The following GTF3C2 variants were observed in gnomAD, a reference collection of about 807,000 sequenced individuals.
The protein encoded by GTF3C2 is general transcription factor IIIC subunit 2.
In GTF3C2, 17 loss-of-function variants were observed where a neutral mutation model predicts 117.4. That is an observed-to-expected ratio of 0.14 (90% CI 0.10 to 0.22). GTF3C2 has a LOEUF of 0.22. GTF3C2 is among the 10% of genes least tolerant of loss of function. The pLI is 1.00. For synonymous variants in GTF3C2, 437 were observed against 427.0 expected, an observed-to-expected ratio of 1.02 and a Z score of -0.29; for missense variants, 888 against 1,143.6, an observed-to-expected ratio of 0.78 and a Z score of 3.22.
chr2:27,351,328 C>T (rs1301752639), intron 1 of GTF3C2, among the ~76,000 whole-genome samples: 2 of 152,122 alleles, frequency 1.3e-5, no homozygotes, highest in South Asian at 2.1e-4. Flanking sequence ...GCAGGAGAAT[C>T]GCTGGAACCT....
chr2:27,328,699 T>C, intron 15 of GTF3C2, 103 bp from the exon 16 acceptor site: 1 of 1,159,368 alleles, frequency 8.6e-7, no homozygotes, highest in Admixed American at 1.9e-5. Context: ...CAAAAATGAG[T>C]TTACCATAAC....
intron 10 of GTF3C2, among the ~76,000 whole-genome samples, chr2:27,334,893 C>T (rs2148272067): frequency 1.3e-5 from 2 of 152,272 alleles, no homozygotes; most frequent in South Asian, 4.2e-4. Flanking sequence ...AATCCTCCCA[C>T]CTAGGCCTCG....
rs369880736 is a variant in GTF3C2, at chr2:27,327,155, G to T, written c.2517+22C>A. The T allele has an allele frequency of 4.3e-5, 54 of 1,252,684 alleles. No individual in the cohort carries two copies. The African/African-American group carries it at 7.4e-4, about 17-fold the overall frequency. The allele number at this position is 1,252,684 out of a possible 1,614,324, so 77.6% of individuals were successfully genotyped here. A position where few individuals can be genotyped will look rare whatever the true frequency, so the allele number is the denominator to read the frequency against. On this transcript the variant is annotated intron_variant, in intron 18 of 18. Transcript: ENST00000264720. Reference sequence around the variant, plus strand: ...GAACTGGGGGGAAATGAGAGTGGAGGGTGGAGAGGATGAGAGACTACCTTA... The same window carrying T: ...GAACTGGGGGGAAATGAGAGTGGAGTGTGGAGAGGATGAGAGACTACCTTA...
At chr2:27,344,150 G>A (rs1297701897) in intron 1 of GTF3C2, among the ~76,000 whole-genome samples, 1 of 151,788 alleles carries the variant, frequency 6.6e-6, no homozygotes, top group Non-Finnish European at 1.5e-5. Context: ...TCAGCCTCCT[G>A]AGTAGCTGGG....
intron 1 of GTF3C2, among the ~76,000 whole-genome samples, chr2:27,355,220 G>A (rs527959782): frequency 1.3e-5 from 2 of 152,020 alleles, no homozygotes; most frequent in Non-Finnish European, 2.9e-5. Context: ...TTTATGAATT[G>A]CCTGTACATA....
chr2:27,329,315 C>G lies in GTF3C2; in HGVS notation c.1878-33G>C. ...AAGACGGGAGAAGGTCAAATCCAAACAAATCCGGAAGTCAGCCTGTCCCAG... is the reference window on the plus strand; with the variant it reads ...AAGACGGGAGAAGGTCAAATCCAAAGAAATCCGGAAGTCAGCCTGTCCCAG... On this transcript the variant is annotated intron_variant, in intron 13 of 18. Coordinates refer to ENST00000264720, the Ensembl canonical transcript of GTF3C2. This position sits in a 1 kb window ranked among gnomAD's most constrained non-coding sequence, Gnocchi z 4.5. The G allele has an allele frequency of 6.2e-7, 1 of 1,614,076 alleles. No individual in the cohort carries two copies. The highest frequency in any genetic ancestry group is 8.5e-7 in the Non-Finnish European group (1 of 1,179,946).
chr2:27,333,727 A>T, exon 12 of GTF3C2: 1 of 1,608,422 alleles, frequency 6.2e-7, no homozygotes, highest in Non-Finnish European at 8.5e-7. Context: ...CACTGACCAC[A>T]CTCAGAGGGG....
chr2:27,350,363 T>TTCAGGGGA, intron 1 of GTF3C2: 1 of 960,902 alleles, frequency 1.0e-6, no homozygotes, highest in Non-Finnish European at 1.2e-6. Context: ...TAACAAGCTC[T>TTCAGGGGA]TCAGGGGATT....
Position 27,333,517 on chromosome 2 carries a change from A to T in GTF3C2, c.1732+138T>A, listed in dbSNP as rs7559312. 9.7e-3 allele frequency: 4,969 copies of T among 511,862 alleles called. 142 individuals are homozygous for T. The East Asian group carries it at 0.16, about 16-fold the overall frequency. The allele number at this position is 511,862 out of a possible 1,614,324, so 31.7% of individuals were successfully genotyped here. ...ATAGTCTAGTGACTTATTTCTTTCT[A>T]TTTTTTTTTTTTTACATTGCTTGAA... On this transcript the variant is annotated intron_variant, in intron 12 of 18. Transcript: ENST00000264720.
In GTF3C2 at chr2:27,327,335, T is replaced by C. The variant is rs1333578311; in HGVS notation, c.2410-51A>G. ...AGAGAAAGTGAGACGCTCGTTTGTT[T>C]TTTTTAAGACGGAGTCTCGCTCTGT... On this transcript the variant is annotated intron_variant, in intron 17 of 18. Transcript: ENST00000264720. 21 of 1,002,748 alleles carry C rather than the reference T, an allele frequency of 2.1e-5. No individual in the cohort carries two copies. In the African/African-American group the frequency reaches 2.9e-4, roughly 14 times the overall value. The allele number at this position is 1,002,748 out of a possible 1,614,324, so 62.1% of individuals were successfully genotyped here.
chr2:27,333,552 C>A, intron 12 of GTF3C2, 103 bp downstream of exon 12: 1 of 667,248 alleles, frequency 1.5e-6, no homozygotes, highest in South Asian at 2.1e-5. Context: ...ATATTTCTAA[C>A]TATATGTCCA....
chr2:27,351,911 A>G (rs1304690562), intron 1 of GTF3C2, among the ~76,000 whole-genome samples: 1 of 152,196 alleles, frequency 6.6e-6, no homozygotes, highest in East Asian at 1.9e-4. Flanking sequence ...TTTGATGCTT[A>G]GAACATTCAG....
Position 27,327,320 on chromosome 2 carries a change from A to G in GTF3C2, c.2410-36T>C, listed in dbSNP as rs774700080. 5.3e-6 allele frequency: 6 copies of G among 1,124,870 alleles called. 1 individual carries two copies. In the Admixed American group the frequency reaches 9.6e-5, roughly 18 times the overall value. The allele number at this position is 1,124,870 out of a possible 1,614,324, so 69.7% of individuals were successfully genotyped here. A position where few individuals can be genotyped will look rare whatever the true frequency, so the allele number is the denominator to read the frequency against. Reference sequence around the variant, plus strand: ...GAAATGGAATAGGAGAGAGAAAGTGAGACGCTCGTTTGTTTTTTTTAAGAC... The same window carrying G: ...GAAATGGAATAGGAGAGAGAAAGTGGGACGCTCGTTTGTTTTTTTTAAGAC... On this transcript the variant is annotated intron_variant, in intron 17 of 18. Coordinates refer to ENST00000264720, the Ensembl canonical transcript of GTF3C2.
chr2:27,343,934 T>C (rs1680831582), intron 1 of GTF3C2, among the ~76,000 whole-genome samples: 1 of 151,098 alleles, frequency 6.6e-6, no homozygotes, highest in Non-Finnish European at 1.5e-5. Flanking sequence ...ACTGGTGATA[T>C]GACAATAAAC....
chr2:27,327,481 C>A (rs1199347105), intron 17 of GTF3C2, among the ~76,000 whole-genome samples, 197 bp from the exon 18 acceptor site: 1 of 152,106 alleles, frequency 6.6e-6, no homozygotes, highest in African/African-American at 2.4e-5. Context: ...CCCGCCGTCA[C>A]GCCCGGCAGA....
intron 12 of GTF3C2, among the ~76,000 whole-genome samples, chr2:27,331,077 C>T (rs572049515): frequency 2.9e-4 from 44 of 152,128 alleles, no homozygotes; most frequent in South Asian, 8.3e-4. Context: ...AGTTTGTTGA[C>T]GATGAATTAT....
intron 10 of GTF3C2, among the ~76,000 whole-genome samples, 182 bp from the exon 11 acceptor site, chr2:27,334,181 A>C (rs1271398242): frequency 6.7e-6 from 1 of 148,720 alleles, no homozygotes. Context: ...GTGAGCCACC[A>C]TGCCTAGCCA....
chr2:27,343,220 C>T, intron 2 of GTF3C2, 73 bp from the exon 3 acceptor site: 4 of 1,523,570 alleles, frequency 2.6e-6, no homozygotes, highest in Non-Finnish European at 3.6e-6. Context: ...ACACTGTACC[C>T]AGGTTTGTAA....
exon 19 of GTF3C2, chr2:27,326,141 C>T (rs1345293030): frequency 6.5e-5 from 30 of 459,904 alleles, no homozygotes; most frequent in Non-Finnish European, 4.0e-5. Flanking sequence ...CTGTGGTATT[C>T]CTTGGTCAAA....
Sources: allele counts gnomAD v4.1 joint callset (sites outside exome capture counted in the v4.1 genomes callset), GRCh38; gene constraint gnomAD v4.1.1; non-coding constraint Gnocchi (gnomAD v3.1); transcripts MANE v1.5; gene names NCBI Gene and HGNC (gene_info 2026-07-23, HGNC 2026-07-21).